The following NRG1 variants were observed in gnomAD, a reference collection of about 807,000 sequenced individuals.
NRG1 encodes the protein neuregulin 1.
Under a neutral mutation model 63.8 loss-of-function variants are expected in NRG1, and 18 were observed. That is an observed-to-expected ratio of 0.28 (90% CI 0.19 to 0.42). The LOEUF is 0.42. NRG1 is among the 10% of genes least tolerant of loss of function. The probability of loss-of-function intolerance (pLI) is 1.00; values close to 1 mark genes in which losing one functional copy is unlikely to be tolerated. For missense variants in NRG1, 762 were observed against 814.7 expected, an observed-to-expected ratio of 0.94 and a Z score of 0.79; for synonymous variants, 302 against 301.3, an observed-to-expected ratio of 1.00 and a Z score of -0.02.
At chr8:32,278,581 G>A (rs1852359944) in intron 1 of NRG1, among the ~76,000 whole-genome samples, 1 of 152,144 alleles carries the variant, frequency 6.6e-6, no homozygotes, top group African/African-American at 2.4e-5. Context: ...AAGCTTGACA[G>A]TATTTGCAGC....
chr8:31,797,533 A>G (rs997486440), intron 1 of NRG1, among the ~76,000 whole-genome samples: 1 of 152,226 alleles, frequency 6.6e-6, no homozygotes, highest in Non-Finnish European at 1.5e-5. Context: ...TAGTGCAGCC[A>G]TTATGGAAAA....
intron 1 of NRG1, among the ~76,000 whole-genome samples, chr8:32,373,718 C>A (rs1175479753): frequency 6.6e-6 from 1 of 152,016 alleles, no homozygotes; most frequent in South Asian, 2.1e-4. Flanking sequence ...GTTGAGGTTG[C>A]AGTGAGCCAA....
At chr8:31,677,188 A>T (rs1454720115) in intron 1 of NRG1, among the ~76,000 whole-genome samples, 1 of 152,166 alleles carries the variant, frequency 6.6e-6, no homozygotes, top group Non-Finnish European at 1.5e-5. Flanking sequence ...CCAGTTTCCT[A>T]TCTGGGATAG....
intron 1 of NRG1, among the ~76,000 whole-genome samples, chr8:31,752,397 C>T (rs1190998885): frequency 6.6e-6 from 1 of 151,944 alleles, no homozygotes; most frequent in Non-Finnish European, 1.5e-5. Flanking sequence ...GGGATATGAC[C>T]TGCTTTACAT....
chr8:32,754,570 TGG>T, intron 8 of NRG1, 96 bp downstream of exon 8: 1 of 1,124,880 alleles, frequency 8.9e-7, no homozygotes, highest in Admixed American at 2.1e-5. Flanking sequence ...AGCCTAGTCT[TGG>T]GGATAAAAAA....
At chr8:32,547,625 A>T (rs1354928724), upstream of NRG1, among the ~76,000 whole-genome samples, 3 of 140,096 alleles carry the variant, frequency 2.1e-5, no homozygotes, top group African/African-American at 8.1e-5. Context: ...ACACACACAC[A>T]CGCACACGGC....
chr8:32,027,556 G>A (rs1455749357), intron 1 of NRG1, among the ~76,000 whole-genome samples: 2 of 147,652 alleles, frequency 1.4e-5, no homozygotes, highest in Admixed American at 1.4e-4. Context: ...GTGTCCCTAA[G>A]ATGCCAAGTT....
intron 5 of NRG1, among the ~76,000 whole-genome samples, chr8:32,688,108 G>A (rs1004983846): frequency 1.3e-5 from 2 of 152,130 alleles, no homozygotes; most frequent in Non-Finnish European, 2.9e-5. Flanking sequence ...GAAGAAAATA[G>A]GAATTAGTTT....
In NRG1 at chr8:32,760,050, C is replaced by A. The variant is rs931456221; in HGVS notation, c.1053-150C>A. 4.8e-6 allele frequency: 4 copies of A among 840,304 alleles called. No homozygotes were observed. The African/African-American group carries it at 6.8e-5, about 14-fold the overall frequency. The allele number at this position is 840,304 out of a possible 1,614,324, so 52.1% of individuals were successfully genotyped here. A position where few individuals can be genotyped will look rare whatever the true frequency, so the allele number is the denominator to read the frequency against. On this transcript the variant is annotated intron_variant, in intron 10 of 11. Coordinates refer to ENST00000356819, the Ensembl canonical transcript of NRG1. Reference sequence around the variant, plus strand: ...TCTCTATAGCAAATTACCTTTGTGGCGATTCTATTCGGAGACAAGTGATGT... The same window carrying A: ...TCTCTATAGCAAATTACCTTTGTGGAGATTCTATTCGGAGACAAGTGATGT...
chr8:31,642,798 G>A (rs985850921), intron 1 of NRG1, among the ~76,000 whole-genome samples: 2 of 152,128 alleles, frequency 1.3e-5, no homozygotes, highest in African/African-American at 4.8e-5. Context: ...TTTAAAGTAG[G>A]ATATTGCTTT....
At chr8:32,409,105 T>C (rs553719084) in intron 1 of NRG1, among the ~76,000 whole-genome samples, 14 of 152,288 alleles carry the variant, frequency 9.2e-5, no homozygotes, top group African/African-American at 3.1e-4. Context: ...TTCCATGGTG[T>C]ATATACGTTA....
chr8:32,640,274 C>T (rs574264300), intron 5 of NRG1, among the ~76,000 whole-genome samples: 151 of 149,538 alleles, frequency 1.0e-3, no homozygotes, highest in African/African-American at 3.4e-3. Flanking sequence ...CACACACACA[C>T]GCACGCACAC....
intron 1 of NRG1, among the ~76,000 whole-genome samples, chr8:32,389,275 C>A (rs1281673943): frequency 2.0e-5 from 3 of 152,180 alleles, no homozygotes; most frequent in Non-Finnish European, 2.9e-5. Context: ...TGCTTATAAT[C>A]TTGTCCTACA....
intron 1 of NRG1, among the ~76,000 whole-genome samples, chr8:31,804,864 A>G (rs1822122424): frequency 6.6e-6 from 1 of 152,208 alleles, no homozygotes; most frequent in South Asian, 2.1e-4. Flanking sequence ...ATAATGGGAC[A>G]TGATAGCCTA....
At chr8:32,309,319 C>A (rs1451743397) in intron 1 of NRG1, among the ~76,000 whole-genome samples, 1 of 152,100 alleles carries the variant, frequency 6.6e-6, no homozygotes, top group Non-Finnish European at 1.5e-5. Context: ...TTACACCCCC[C>A]CACCCCAAAT....
intron 1 of NRG1, among the ~76,000 whole-genome samples, chr8:32,366,344 C>G (rs7009250): frequency 6.6e-6 from 1 of 151,738 alleles, no homozygotes; most frequent in African/African-American, 2.4e-5. Flanking sequence ...TCTTCATCTG[C>G]CCCCCACCTC....
chr8:32,092,554 C>T (rs1224055435), intron 1 of NRG1, among the ~76,000 whole-genome samples: 1 of 151,642 alleles, frequency 6.6e-6, no homozygotes, highest in Non-Finnish European at 1.5e-5. Flanking sequence ...TTTGCTTGAG[C>T]TCTTGGTTGC....
intron 1 of NRG1, among the ~76,000 whole-genome samples, chr8:31,700,738 T>G (rs1157391283): frequency 2.0e-5 from 3 of 152,306 alleles, no homozygotes; most frequent in Admixed American, 1.3e-4. Flanking sequence ...TGGTTTCCTA[T>G]GCCCTCCCTG....
At chr8:31,859,476 G>A (rs1490404378) in intron 1 of NRG1, among the ~76,000 whole-genome samples, 1 of 152,122 alleles carries the variant, frequency 6.6e-6, no homozygotes, top group African/African-American at 2.4e-5. Flanking sequence ...ATCGTCCCCT[G>A]AGAGTATACC....
Sources: gnomAD v4.1 joint callset for allele counts (sites outside exome capture counted in the v4.1 genomes callset) on GRCh38, gnomAD v4.1.1 for gene constraint, MANE v1.5 for transcripts, NCBI Gene and HGNC (gene_info 2026-07-23, HGNC 2026-07-21) for gene names.